The following STARD13 variants were observed in gnomAD, a reference collection of about 807,000 sequenced individuals.
STARD13 encodes stAR-related lipid transfer protein 13.
A neutral mutation model predicts 106.4 loss-of-function variants in STARD13; 62 were observed. That is an observed-to-expected ratio of 0.58 (90% CI 0.48 to 0.72). STARD13 has a LOEUF of 0.72. Among genes scored for constraint, STARD13 ranks in the 30% least tolerant of loss-of-function variants. The pLI is 0.00. For missense variants in STARD13, 1,387 were observed against 1,424.0 expected (o/e 0.97, Z 0.42); for synonymous variants, 565 against 553.0 (o/e 1.02, Z -0.31).
chr13:33,370,603 C>T, the STARD13 span, among the ~76,000 whole-genome samples: 1 of 144,820 alleles, frequency 6.9e-6, no homozygotes, highest in Non-Finnish European at 1.5e-5. Flanking sequence ...CTTTTCTTTT[C>T]TTTCTTTCTT....
At chr13:33,309,493 AG>A (rs752402556) in intron 1 of STARD13, among the ~76,000 whole-genome samples, 6 of 152,328 alleles carry the variant, frequency 3.9e-5, no homozygotes, top group Admixed American at 2.6e-4. Flanking sequence ...GCAGGAGAGA[AG>A]CTGGTGCAAT....
chr13:33,613,541 A>G, the STARD13 span, among the ~76,000 whole-genome samples: 1 of 152,340 alleles, frequency 6.6e-6, no homozygotes, highest in South Asian at 2.1e-4. Context: ...GGCGAATGGC[A>G]GCAGGAATGG....
At chr13:33,450,513 T>A in the STARD13 span, among the ~76,000 whole-genome samples, 1 of 152,208 alleles carries the variant, frequency 6.6e-6, no homozygotes, top group African/African-American at 2.4e-5. Context: ...TTAGGGATAT[T>A]AACCTGAAGT....
the STARD13 span, among the ~76,000 whole-genome samples, chr13:33,398,970 G>C: frequency 6.6e-6 from 1 of 152,060 alleles, no homozygotes; most frequent in South Asian, 2.1e-4. Flanking sequence ...GATTTAAATA[G>C]CATTAAGCTA....
Position 33,128,967 on chromosome 13 carries a change from C to T in STARD13, c.1710G>A (p.Arg570=). The T allele has an allele frequency of 1.2e-6, 2 of 1,613,822 alleles. No homozygotes were observed. The highest frequency in any genetic ancestry group is 1.7e-6 in the Non-Finnish European group (2 of 1,179,884). The change falls in exon 5 of 14, where the codon AGG becomes AGA. Residue 570 remains arginine, a synonymous_variant. Coordinates refer to ENST00000336934, the MANE Select transcript of STARD13 (RefSeq NM_178006.4). ...TCAGAGAGGCCCCTACACCAGAATC[C>T]CTCCTGTCTCTGACCCCAGGAGGCT... ...ESEPPGVRDR[R]DSGVGASLTR...
At chr13:33,540,020 C>T in the STARD13 span, among the ~76,000 whole-genome samples, 1 of 152,186 alleles carries the variant, frequency 6.6e-6, no homozygotes, top group Non-Finnish European at 1.5e-5. Flanking sequence ...AACATATACC[C>T]ACTTAATGGC....
the STARD13 span, among the ~76,000 whole-genome samples, chr13:33,457,706 G>C: frequency 3.9e-5 from 6 of 152,114 alleles, no homozygotes. Flanking sequence ...TTATCTTTTT[G>C]CTATGTTCCA....
In STARD13 at chr13:33,339,617, T is replaced by G. The variant is rs927491588; in HGVS notation, c.124+10673A>C. On this transcript the variant is annotated intron_variant, in intron 1 of 5. Coordinates refer to the STARD13 transcript ENST00000567873. ...ATTTGTCATTGCTTTGTTTTAGATC[T>G]AAGAGCTAGAAATCAAACACTTAGC... Among the ~76,000 whole-genome samples the G allele has an allele frequency of 5.9e-5, 9 of 152,368 alleles. No individual in the cohort carries two copies. The East Asian group carries it at 1.7e-3, about 29-fold the overall frequency.
chr13:33,170,553 T>G (rs1446003962), intron 1 of STARD13, among the ~76,000 whole-genome samples: 3 of 152,226 alleles, frequency 2.0e-5, no homozygotes, highest in African/African-American at 4.8e-5. Context: ...TGATTTTTTT[T>G]GTTTGCTTTA....
chr13:33,532,836 C>T, the STARD13 span, among the ~76,000 whole-genome samples: 1 of 152,080 alleles, frequency 6.6e-6, no homozygotes, highest in South Asian at 2.1e-4. Flanking sequence ...TAGCAGTGGT[C>T]TTGTAAGATG....
At chr13:33,636,427 C>T in the STARD13 span, among the ~76,000 whole-genome samples, 3 of 152,108 alleles carry the variant, frequency 2.0e-5, no homozygotes, top group African/African-American at 4.8e-5. Flanking sequence ...TATCCAAACC[C>T]GGCTACTTTG....
chr13:33,205,625 C>T (rs1280651044), intron 1 of STARD13, among the ~76,000 whole-genome samples: 6 of 152,190 alleles, frequency 3.9e-5, no homozygotes, highest in African/African-American at 1.4e-4. Flanking sequence ...GCAAATGTTT[C>T]TAGAGTGAGT....
chr13:33,434,115 C>T, the STARD13 span, among the ~76,000 whole-genome samples: 4 of 151,954 alleles, frequency 2.6e-5, no homozygotes, highest in South Asian at 2.1e-4. Flanking sequence ...CTCTTTAGGA[C>T]GCCGAGGCAG....
At chr13:33,406,184 G>A in the STARD13 span, among the ~76,000 whole-genome samples, 1 of 152,160 alleles carries the variant, frequency 6.6e-6, no homozygotes, top group Non-Finnish European at 1.5e-5. Flanking sequence ...AAACAGATTT[G>A]AAATACTACC....
chr13:33,481,357 G>T, the STARD13 span, among the ~76,000 whole-genome samples: 5 of 152,036 alleles, frequency 3.3e-5, no homozygotes, highest in Non-Finnish European at 7.4e-5. Context: ...TCACAAAAAA[G>T]AAATAACCAG....
At chr13:33,507,895 T>C in the STARD13 span, among the ~76,000 whole-genome samples, 2 of 152,202 alleles carry the variant, frequency 1.3e-5, no homozygotes, top group Admixed American at 1.3e-4. Context: ...CATCTTCTTG[T>C]TGAGTAAGCT....
the STARD13 span, among the ~76,000 whole-genome samples, chr13:33,480,827 G>T: frequency 6.6e-6 from 1 of 152,080 alleles, no homozygotes; most frequent in Non-Finnish European, 1.5e-5. Flanking sequence ...TTGGAGAAAT[G>T]ACTAATTTCA....
the STARD13 span, among the ~76,000 whole-genome samples, chr13:33,556,965 T>C: frequency 0.23 from 35,311 of 152,002 alleles, 4,648 homozygotes; most frequent in East Asian, 0.43. Context: ...AGCATGCAAC[T>C]TTTTACCTGA....
the STARD13 span, among the ~76,000 whole-genome samples, chr13:33,472,945 G>T: frequency 2.6e-5 from 4 of 152,118 alleles, no homozygotes; most frequent in Non-Finnish European, 5.9e-5. Flanking sequence ...AGGCAGTTTA[G>T]GTATTCTTTG....
Sources: gnomAD v4.1 joint callset for allele counts (sites outside exome capture counted in the v4.1 genomes callset) on GRCh38, gnomAD v4.1.1 for gene constraint, MANE v1.5 for transcripts, NCBI Gene and HGNC (gene_info 2026-07-23, HGNC 2026-07-21) for gene names.